The following CEP104 variants were observed in gnomAD, a reference collection of about 807,000 sequenced individuals.
The protein encoded by CEP104 is centrosomal protein 104.
CEP104 carries 84 observed loss-of-function variants against 113.3 expected under a neutral mutation model. The ratio of observed to expected loss-of-function variants is 0.74; its 90% CI spans 0.62 to 0.89. CEP104 has a LOEUF of 0.89. Among genes scored for constraint, CEP104 ranks in the 40% least tolerant of loss-of-function variants. CEP104 has a pLI of 0.00. For missense variants in CEP104, 1,053 were observed against 1,156.6 expected (o/e 0.91, Z 1.30); for synonymous variants, 378 against 421.7 (o/e 0.90, Z 1.27).
intron 15 of CEP104, among the ~76,000 whole-genome samples, chr1:3,827,418 C>T (rs1273132348): frequency 6.6e-6 from 1 of 152,014 alleles, no homozygotes; most frequent in Non-Finnish European, 1.5e-5. Flanking sequence ...TGAGGTCTCA[C>T]TATGTTGCCC....
In CEP104 at chr1:3,822,948, G is replaced by A. The variant is rs2027548; in HGVS notation, c.2571+226C>T. On this transcript the variant is annotated intron_variant, in intron 20 of 21. Transcript: ENST00000378230. ...CACAGGCTGGGCCTCAGTGAGTTGA[G>A]GCTCCTCGATAAACCATTCATAAAT... is the stretch of plus-strand genomic sequence containing the variant. The A allele has an allele frequency of 0.097, 52,336 of 538,294 alleles. 6,154 individuals carry two copies. The highest frequency in any genetic ancestry group is 0.45 in the East Asian group (14,707 of 32,744). 33.3% of individuals were successfully genotyped at this position (538,294 alleles called of 1,614,324 possible).
At chr1:3,855,686 T>C (rs959071913) in intron 1 of CEP104, among the ~76,000 whole-genome samples, 1 of 152,198 alleles carries the variant, frequency 6.6e-6, no homozygotes, top group Non-Finnish European at 1.5e-5. Flanking sequence ...CCTTTTTTAG[T>C]CTACCCCCTC....
At chr1:3,856,374 C>A (rs758897003) in intron 1 of CEP104, among the ~76,000 whole-genome samples, 4 of 152,122 alleles carry the variant, frequency 2.6e-5, no homozygotes, top group Non-Finnish European at 5.9e-5. Context: ...AGAGCGAGAC[C>A]GTCTCAAAGG....
intron 2 of CEP104, among the ~76,000 whole-genome samples, chr1:3,849,104 G>C (rs1644563689): frequency 6.6e-6 from 1 of 152,052 alleles, no homozygotes; most frequent in African/African-American, 2.4e-5. Flanking sequence ...GGCGGCACTA[G>C]TGGGCAGGAC....
intron 6 of CEP104, among the ~76,000 whole-genome samples, chr1:3,841,983 A>G (rs1283086041): frequency 3.3e-5 from 5 of 152,354 alleles, no homozygotes; most frequent in Middle Eastern, 6.8e-3. Context: ...CCTTCCCCAC[A>G]GTGCTTCCAT....
chr1:3,855,842 TG>T (rs1412582613), intron 1 of CEP104: 22 of 937,014 alleles, frequency 2.3e-5, no homozygotes, highest in Non-Finnish European at 2.7e-5. Context: ...AAAGCTCTGT[TG>T]AACATCCAGT....
Position 3,830,776 on chromosome 1 carries a change from C to CA in CEP104, c.1836+269dup, listed in dbSNP as rs61056063. ...TGGGCGACAGAACGAGACTCCATCT[C>CA]AAAAAAAAAAAAAAAAAAAGACAAA... On this transcript the variant is annotated intron_variant, in intron 13 of 21. Transcript: ENST00000378230. Among the ~76,000 whole-genome samples, 258 of 108,560 alleles carry CA rather than the reference C, an allele frequency of 2.4e-3. 7 individuals carry two copies. The South Asian group carries it at 0.062, about 26-fold the overall frequency. The allele number at this position is 108,560 out of a possible 152,430, so 71.2% of individuals were successfully genotyped here. A position where few individuals can be genotyped will look rare whatever the true frequency, so the allele number is the denominator to read the frequency against.
intron 8 of CEP104, 96 bp downstream of exon 8, chr1:3,838,868 T>G (rs1385972333): frequency 7.4e-7 from 1 of 1,346,468 alleles, no homozygotes; most frequent in African/African-American, 1.4e-5. Flanking sequence ...TGTTTTACAC[T>G]ACACTTCAAA....
intron 10 of CEP104, among the ~76,000 whole-genome samples, chr1:3,835,324 A>G (rs1265786867): frequency 1.3e-5 from 2 of 152,270 alleles, no homozygotes; most frequent in South Asian, 2.1e-4. Flanking sequence ...TATAAAAAGT[A>G]TTAAATTCTC....
rs550389128 is a variant in CEP104 at position 3,817,058 on chromosome 1, C to T, written c.2572-688G>A. Among the ~76,000 whole-genome samples, 14 of 152,330 alleles carry T rather than the reference C, an allele frequency of 9.2e-5. No individual in the cohort carries two copies. The East Asian group carries it at 1.2e-3, about 13-fold the overall frequency. ...TAAACAACACTCACGAGGCTGGGCG[C>T]GGTGGCTCACGCCTGTAATCCCAAC... On this transcript the variant is annotated intron_variant, in intron 20 of 21. Transcript: ENST00000378230.
intron 1 of CEP104, among the ~76,000 whole-genome samples, chr1:3,856,219 G>A (rs1042737872): frequency 1.3e-5 from 2 of 152,148 alleles, no homozygotes; most frequent in African/African-American, 4.8e-5. Flanking sequence ...GACCAGCCTG[G>A]CCAACATGGT....
At chr1:3,837,133 A>G in intron 9 of CEP104, 159 bp downstream of exon 9, 3 of 619,120 alleles carry the variant, frequency 4.8e-6, no homozygotes, top group Non-Finnish European at 5.7e-6. Context: ...TTATGTGGCT[A>G]TGCTCTCACT....
rs560121928 is a variant in CEP104, at chr1:3,835,058, C to T, written c.1352G>A (p.Arg451Gln). The T allele has an allele frequency of 2.2e-5, 36 of 1,613,960 alleles. No individual in the cohort carries two copies. Among genetic ancestry groups the T allele is most frequent in the East Asian group, 6.7e-5 (3 of 44,886 alleles). The part of the protein sequence containing the change: ...AEAYCKTWSY[R>Q]EDALLALSKK... Reference sequence around the variant, plus strand: ...AGACAAGGCAAGCAGTGCATCCTCTCGGTAGGACCACGTCTTACAATAGGC... The same window carrying T: ...AGACAAGGCAAGCAGTGCATCCTCTTGGTAGGACCACGTCTTACAATAGGC... The change falls in exon 11 of 22, where the codon CGA becomes CAA. Residue 451 changes from arginine (R) to glutamine (Q), a missense_variant. Transcript: ENST00000378230.
At position 3,848,772 on chromosome 1, in the gene CEP104, C is replaced by T. The variant is rs1223046607; in HGVS notation, c.123G>A (p.Gln41=). The change falls in exon 3 of 22, where the codon CAG becomes CAA. Residue 41 remains glutamine (Q), a synonymous_variant. Transcript: ENST00000378230. The part of the protein sequence containing the change: ...VSGWRSPRFC[Q]FPQEIVLQMV... ...TTTGAAGGACAATTTCTTGTGGAAA[C>T]TGGCAAAATCTGAAAGCAAACACAT... 17 of 1,606,572 alleles carry T rather than the reference C, an allele frequency of 1.1e-5. No homozygotes were observed. The Admixed American group carries it at 3.0e-4, about 28-fold the overall frequency.
chr1:3,854,619 C>A (rs1353953660), intron 1 of CEP104, among the ~76,000 whole-genome samples: 1 of 150,250 alleles, frequency 6.7e-6, no homozygotes, highest in African/African-American at 2.5e-5. Flanking sequence ...CAGGCATGCA[C>A]CACCATGCCT....
At chr1:3,833,242 G>A (rs1644250977) in intron 12 of CEP104, among the ~76,000 whole-genome samples, 2 of 152,146 alleles carry the variant, frequency 1.3e-5, no homozygotes, top group African/African-American at 2.4e-5. Context: ...GCCTCCCAAA[G>A]TGCTGGGATT....
intron 2 of CEP104, among the ~76,000 whole-genome samples, chr1:3,849,665 A>G (rs1167317192): frequency 6.6e-6 from 1 of 152,248 alleles, no homozygotes; most frequent in Non-Finnish European, 1.5e-5. Context: ...GCTGGCACAA[A>G]TTGGGAAACC....
At chr1:3,838,738 C>A (rs1007924352) in intron 8 of CEP104, among the ~76,000 whole-genome samples, 30 of 152,304 alleles carry the variant, frequency 2.0e-4, no homozygotes, top group South Asian at 2.1e-4. Flanking sequence ...GTTTTCCTGA[C>A]CCCGGTTTGT....
chr1:3,840,529 C>A (rs147549015), intron 6 of CEP104, among the ~76,000 whole-genome samples: 1 of 152,072 alleles, frequency 6.6e-6, no homozygotes, highest in Non-Finnish European at 1.5e-5. Context: ...TGAGCCACTG[C>A]GCCCAGCCTG....
Sources: allele counts gnomAD v4.1 joint callset (sites outside exome capture counted in the v4.1 genomes callset), GRCh38; gene constraint gnomAD v4.1.1; transcripts MANE v1.5; gene names NCBI Gene and HGNC (gene_info 2026-07-23, HGNC 2026-07-21).